The following NUDC variants were observed in gnomAD, a reference collection of about 807,000 sequenced individuals.
The protein encoded by NUDC is nuclear migration protein nudC.
NUDC carries 14 observed loss-of-function variants against 45.0 expected under a neutral mutation model. That is an observed-to-expected ratio of 0.31 (90% CI 0.21 to 0.49). The LOEUF (loss-of-function observed/expected upper bound fraction) is 0.49, where lower values mean the gene tolerates loss of function less well. NUDC is among the 20% of genes least tolerant of loss of function. NUDC has a pLI of 0.99. For missense variants in NUDC, 323 were observed against 426.2 expected (o/e 0.76, Z 2.13); for synonymous variants, 153 against 156.7 (o/e 0.98, Z 0.17).
intron 2 of NUDC, among the ~76,000 whole-genome samples, chr1:26,907,601 C>T (rs945696151): frequency 1.2e-4 from 18 of 151,122 alleles, no homozygotes; most frequent in Admixed American, 2.0e-4. Flanking sequence ...ACACAGCATG[C>T]GTCAGCTGTC....
Position 26,946,657 on chromosome 1 carries a change from G to C in NUDC, c.*476G>C, listed in dbSNP as rs1285904165. ...ACCTGATGTCAGGAGTTTGAGACCA[G>C]CTTGGCCAACATGGAGAAACCCAGT... On this transcript the variant is annotated 3_prime_UTR_variant, in exon 9 of 9. Coordinates refer to ENST00000321265, the MANE Select transcript of NUDC (RefSeq NM_006600.4). 1 of 204,784 alleles carries C rather than the reference G, an allele frequency of 4.9e-6. No homozygotes were observed. The highest frequency in any genetic ancestry group is 1.0e-5 in the Non-Finnish European group (1 of 99,338). 12.7% of individuals were successfully genotyped at this position (204,784 alleles called of 1,614,324 possible). A position where few individuals can be genotyped will look rare whatever the true frequency, so the allele number is the denominator to read the frequency against.
In NUDC at chr1:26,942,757, A is replaced by G; in HGVS notation, c.527A>G (p.Gln176Arg). Residue 176 changes from glutamine (Q) to arginine (R), a missense_variant, in exon 5 of 9, where the codon CAG (glutamine) becomes CGG (arginine). Gln to Arg is a conservative substitution (Grantham distance 43, BLOSUM62 1). Transcript: ENST00000321265. ...GADLPNYRWTQTLSELDLAVP... is the reference protein window; with the variant it reads ...GADLPNYRWTRTLSELDLAVP... ...GACCTGCCCAATTACCGCTGGACCCAGACCCTGTCGGAGCTGGACGTGAGT... is the reference window on the plus strand; with the variant it reads ...GACCTGCCCAATTACCGCTGGACCCGGACCCTGTCGGAGCTGGACGTGAGT... 6.2e-7 allele frequency: 1 copy of G among 1,614,252 alleles called. No homozygotes were observed. Among genetic ancestry groups the G allele is most frequent in the Non-Finnish European group, 8.5e-7 (1 of 1,180,036 alleles).
At chr1:26,900,411 G>C (rs775232498) in intron 1 of NUDC, 1 of 1,611,480 alleles carries the variant, frequency 6.2e-7, no homozygotes, top group Non-Finnish European at 8.5e-7. Flanking sequence ...GTAAACTGTC[G>C]CCTCCTCCTC....
At chr1:26,904,114 T>G (rs1298792914) in intron 2 of NUDC, among the ~76,000 whole-genome samples, 1 of 147,470 alleles carries the variant, frequency 6.8e-6, no homozygotes, top group Non-Finnish European at 1.5e-5. Context: ...AAATTGTAGA[T>G]AGGACCATTA....
At chr1:26,905,441 G>GT (rs2081999198) in intron 2 of NUDC, among the ~76,000 whole-genome samples, 1 of 152,208 alleles carries the variant, frequency 6.6e-6, no homozygotes, top group South Asian at 2.1e-4. Context: ...GATTACAGGC[G>GT]TGAGCCCAGC....
Position 26,921,771 on chromosome 1 carries a change from G to T in NUDC, c.-78G>T, listed in dbSNP as rs896039068. Reference sequence around the variant, plus strand: ...GAAGGCGGACGACTAGAGTCGTTGGGCCCGGCGCGACCCGCAGGAGCGTAG... The same window carrying T: ...GAAGGCGGACGACTAGAGTCGTTGGTCCCGGCGCGACCCGCAGGAGCGTAG... On this transcript the variant is annotated 5_prime_UTR_variant, in exon 1 of 9. Coordinates refer to ENST00000321265, the MANE Select transcript of NUDC (RefSeq NM_006600.4). 2.4e-5 allele frequency: 35 copies of T among 1,470,532 alleles called. No homozygotes were observed. The African/African-American group carries it at 2.4e-4, about 10-fold the overall frequency. 91.1% of individuals were successfully genotyped at this position (1,470,532 alleles called of 1,614,324 possible).
intron 2 of NUDC, among the ~76,000 whole-genome samples, chr1:26,941,194 G>T (rs1390444030): frequency 6.7e-6 from 1 of 149,948 alleles, no homozygotes; most frequent in Non-Finnish European, 1.5e-5. Flanking sequence ...CTCCCAAAGT[G>T]CTGGGATTAC....
rs187734376 is a variant in NUDC, at chr1:26,922,271, G to C, written c.81+342G>C. On this transcript the variant is annotated intron_variant, in intron 1 of 8. Transcript: ENST00000321265. ...GAACCGTCGCAAATATCGTGATTTG[G>C]ATCCACCAAGGCTTGGGGCGAGCCG... 10 of 405,756 alleles carry C rather than the reference G, an allele frequency of 2.5e-5. No individual in the cohort carries two copies. In the East Asian group the frequency reaches 5.7e-4, roughly 23 times the overall value. 25.1% of individuals were successfully genotyped at this position (405,756 alleles called of 1,614,324 possible). A position where few individuals can be genotyped will look rare whatever the true frequency, so the allele number is the denominator to read the frequency against.
rs1339248123 is a variant in NUDC at position 26,911,404 on chromosome 1, T to C, written c.93+169T>C. 8 of 346,192 alleles carry C rather than the reference T, an allele frequency of 2.3e-5. No homozygotes were observed. The East Asian group carries it at 5.5e-4, about 24-fold the overall frequency. The allele number at this position is 346,192 out of a possible 1,614,324, so 21.4% of individuals were successfully genotyped here. A position where few individuals can be genotyped will look rare whatever the true frequency, so the allele number is the denominator to read the frequency against. ...CCAGCAACCCTGTGGATTTTTTCCCTTGGGCTACCTCTGATAGCAGCAGGG... is the reference window on the plus strand; with the variant it reads ...CCAGCAACCCTGTGGATTTTTTCCCCTGGGCTACCTCTGATAGCAGCAGGG... On this transcript the variant is annotated intron_variant, in intron 3 of 6. Transcript: ENST00000435827.
At chr1:26,912,420 A>C (rs994049952) in intron 3 of NUDC, among the ~76,000 whole-genome samples, 13 of 152,186 alleles carry the variant, frequency 8.5e-5, no homozygotes, top group African/African-American at 3.1e-4. Flanking sequence ...AAACGGGAAT[A>C]ATAATATTAA....
intron 2 of NUDC, among the ~76,000 whole-genome samples, chr1:26,902,939 C>A (rs1385256716): frequency 6.6e-6 from 1 of 151,896 alleles, no homozygotes; most frequent in Non-Finnish European, 1.5e-5. Context: ...ATCTCAGCTC[C>A]TCAGGGAAGC....
chr1:26,937,398 G>C (rs1268963344), intron 2 of NUDC, among the ~76,000 whole-genome samples: 1 of 152,112 alleles, frequency 6.6e-6, no homozygotes, highest in Non-Finnish European at 1.5e-5. Flanking sequence ...TTCCATCTTA[G>C]CCTCCCGAGT....
chr1:26,910,150 A>G (rs1365608882), intron 2 of NUDC, among the ~76,000 whole-genome samples: 1 of 152,016 alleles, frequency 6.6e-6, no homozygotes, highest in African/African-American at 2.4e-5. Context: ...CTCAGGTGCA[A>G]GGGTGCGTGC....
At chr1:26,929,240 G>GA (rs920079022) in intron 2 of NUDC, among the ~76,000 whole-genome samples, 8 of 150,932 alleles carry the variant, frequency 5.3e-5, no homozygotes, top group Non-Finnish European at 8.9e-5. Context: ...AAAATATTTG[G>GA]AAAAAAAATT....
intron 2 of NUDC, among the ~76,000 whole-genome samples, chr1:26,908,070 T>TTG (rs2082009928): frequency 6.6e-6 from 1 of 151,980 alleles, no homozygotes; most frequent in South Asian, 2.1e-4. Flanking sequence ...TCCCAGCTAC[T>TTG]TGGGAGGCTG....
At chr1:26,912,631 C>T (rs1489065023) in intron 3 of NUDC, among the ~76,000 whole-genome samples, 2 of 152,172 alleles carry the variant, frequency 1.3e-5, no homozygotes, top group Admixed American at 6.5e-5. Flanking sequence ...ACAGCACTGT[C>T]TCCATCTGCC....
chr1:26,945,012 A>T (rs1333830460), intron 6 of NUDC: 7 of 282,924 alleles, frequency 2.5e-5, no homozygotes, highest in Non-Finnish European at 4.9e-5. Context: ...ACAGCACTCC[A>T]GCCTGGACAA....
chr1:26,900,399 A>G (rs749215920), exon 1 of NUDC: 3 of 1,612,806 alleles, frequency 1.9e-6, no homozygotes, highest in South Asian at 1.1e-5. Context: ...GCTCACTACC[A>G]GGTAAACTGT....
In NUDC at chr1:26,904,184, CTT is replaced by C. The variant is rs55759997; in HGVS notation, c.-16+1832_-16+1833del. Among the ~76,000 whole-genome samples the C allele has an allele frequency of 5.2e-4, 71 of 137,168 alleles. 1 individual carries two copies. The highest frequency in any genetic ancestry group is 3.7e-3 in the Middle Eastern group (1 of 272). The allele number at this position is 137,168 out of a possible 152,430, so 90.0% of individuals were successfully genotyped here. On this transcript the variant is annotated intron_variant, in intron 2 of 6. Coordinates refer to the NUDC transcript ENST00000435827. Reference sequence around the variant, plus strand: ...TATTTATTTTTTATTTTATTACATACTTTTTTTTTTTTTTTGTCACCCAGGCT... The same window carrying C: ...TATTTATTTTTTATTTTATTACATACTTTTTTTTTTTTTGTCACCCAGGCT...
Sources: allele counts gnomAD v4.1 joint callset (sites outside exome capture counted in the v4.1 genomes callset), GRCh38; gene constraint gnomAD v4.1.1; transcripts MANE v1.5; gene names NCBI Gene and HGNC (gene_info 2026-07-23, HGNC 2026-07-21).